DNAJC1: variants seen among roughly 807,000 people sequenced by gnomAD.
The protein encoded by DNAJC1 is dnaJ homolog subfamily C member 1.
Under a neutral mutation model 76.6 loss-of-function variants are expected in DNAJC1, and 58 were observed. That is an observed-to-expected ratio of 0.76 (90% CI 0.61 to 0.94). The LOEUF is 0.94. Ranked by LOEUF, DNAJC1 falls within the 40% of genes least tolerant of loss-of-function variation. The pLI is 0.00. For missense variants in DNAJC1, 689 were observed against 677.3 expected, an observed-to-expected ratio of 1.02 and a Z score of -0.19; for synonymous variants, 258 against 267.9, an observed-to-expected ratio of 0.96 and a Z score of 0.36.
chr10:21,903,399 C>T (rs1590041125), intron 7 of DNAJC1, among the ~76,000 whole-genome samples: 1 of 152,068 alleles, frequency 6.6e-6, no homozygotes, highest in Admixed American at 6.5e-5. Flanking sequence ...TAATAATCCT[C>T]TATCATTCTT....
At chr10:21,909,077 G>C (rs1408319453) in intron 6 of DNAJC1, among the ~76,000 whole-genome samples, 1 of 150,912 alleles carries the variant, frequency 6.6e-6, no homozygotes, top group Non-Finnish European at 1.5e-5. Flanking sequence ...TAGTAGAGAC[G>C]GGGTTTTGCC....
intron 9 of DNAJC1, among the ~76,000 whole-genome samples, chr10:21,800,584 G>A (rs543533861): frequency 3.3e-5 from 5 of 152,302 alleles, no homozygotes; most frequent in East Asian, 3.9e-4. Flanking sequence ...ATGGGCTATC[G>A]TGTAACTCTT....
Position 21,869,903 on chromosome 10 carries a change from C to T in DNAJC1, c.978+12379G>A, listed in dbSNP as rs554648155. Among the ~76,000 whole-genome samples, 10 of 152,030 alleles carry T rather than the reference C, an allele frequency of 6.6e-5. No individual in the cohort carries two copies. The East Asian group carries it at 1.9e-3, about 29-fold the overall frequency. On this transcript the variant is annotated intron_variant, in intron 8 of 11. Coordinates refer to ENST00000376980, the MANE Select transcript of DNAJC1 (RefSeq NM_022365.4). Reference sequence around the variant, plus strand: ...ATTCTGTACTGTCTTGGAAACTTCCCATCAATCTATAATTTTATTTATTTT... The same window carrying T: ...ATTCTGTACTGTCTTGGAAACTTCCTATCAATCTATAATTTTATTTATTTT...
intron 8 of DNAJC1, among the ~76,000 whole-genome samples, chr10:21,818,891 G>A (rs1468164694): frequency 1.3e-5 from 2 of 152,130 alleles, no homozygotes; most frequent in African/African-American, 2.4e-5. Context: ...GTAGAAAAAA[G>A]TCTTACATAA....
rs374884418 is a variant in DNAJC1 at position 21,759,501 on chromosome 10, G to A, written c.1265C>T (p.Ala422Val). ...GGAGTCTCCCTCCTGCTCCTCCTCC[G>A]CTGCCACCCCCTCTGCGTCCTCTCG... is the stretch of plus-strand genomic sequence containing the variant. ...TQREDAEGVA[A>V]EEEQEGDSGE... The change falls in exon 11 of 12, where the codon GCG (alanine) becomes GTG (valine). Residue 422 changes from alanine (A) to valine (V), a missense_variant. Coordinates refer to ENST00000376980, the MANE Select transcript of DNAJC1 (RefSeq NM_022365.4). The A allele has an allele frequency of 3.8e-5, 62 of 1,613,986 alleles. No individual in the cohort carries two copies. The highest frequency in any genetic ancestry group is 1.6e-4 in the African/African-American group (12 of 74,912).
intron 1 of DNAJC1, among the ~76,000 whole-genome samples, chr10:21,958,423 AGAT>A (rs1283308114): frequency 6.7e-6 from 1 of 150,116 alleles, no homozygotes; most frequent in Non-Finnish European, 1.5e-5. Context: ...CTGTCTCCAC[AGAT>A]TTGTCTTTTT....
chr10:21,824,209 A>G (rs771707561), intron 8 of DNAJC1, among the ~76,000 whole-genome samples: 8 of 152,226 alleles, frequency 5.3e-5, no homozygotes, highest in Non-Finnish European at 1.0e-4. Flanking sequence ...GCTCTTCTGA[A>G]GGAATACTAA....
chr10:21,812,765 A>G (rs1406128761), intron 8 of DNAJC1, among the ~76,000 whole-genome samples: 4 of 151,974 alleles, frequency 2.6e-5, no homozygotes, highest in African/African-American at 9.7e-5. Context: ...AAATAGCTTT[A>G]GGTTTATAGA....
intron 8 of DNAJC1, among the ~76,000 whole-genome samples, chr10:21,852,134 C>T (rs934612665): frequency 3.0e-5 from 4 of 131,948 alleles, no homozygotes; most frequent in East Asian, 2.3e-4. Flanking sequence ...CACACACACA[C>T]GGAATATTAT....
At chr10:21,942,026 GA>G (rs1313445142) in intron 1 of DNAJC1, among the ~76,000 whole-genome samples, 4 of 151,940 alleles carry the variant, frequency 2.6e-5, no homozygotes, top group African/African-American at 9.7e-5. Context: ...CAGACGAGAG[GA>G]AAAACAAAAT....
intron 8 of DNAJC1, among the ~76,000 whole-genome samples, chr10:21,857,777 A>G (rs1835860676): frequency 6.6e-6 from 1 of 152,098 alleles, no homozygotes; most frequent in Non-Finnish European, 1.5e-5. Flanking sequence ...AACTGCTTGT[A>G]CCTGGGAGGT....
chr10:21,857,514 G>A (rs1460624313), intron 8 of DNAJC1, among the ~76,000 whole-genome samples: 4 of 151,924 alleles, frequency 2.6e-5, no homozygotes, highest in Non-Finnish European at 5.9e-5. Context: ...AATATACTGG[G>A]GTTCTATGTA....
intron 8 of DNAJC1, among the ~76,000 whole-genome samples, chr10:21,813,096 C>CAT (rs373917334): frequency 0.048 from 5,647 of 117,058 alleles, 367 homozygotes; most frequent in African/African-American, 0.13. Flanking sequence ...TACACACACA[C>CAT]ATATATATAT....
chr10:21,850,265 T>C (rs1835730990), intron 8 of DNAJC1, among the ~76,000 whole-genome samples: 1 of 152,120 alleles, frequency 6.6e-6, no homozygotes, highest in Non-Finnish European at 1.5e-5. Context: ...TTCAGTAACA[T>C]TATAGGTACA....
intron 1 of DNAJC1, among the ~76,000 whole-genome samples, chr10:21,985,692 GTTCT>G (rs1838234353): frequency 1.3e-5 from 2 of 152,136 alleles, no homozygotes; most frequent in Admixed American, 1.3e-4. Context: ...TATCCCAGAA[GTTCT>G]TTCTTTTTCT....
chr10:21,890,421 C>CAAAA (rs1007952107), intron 7 of DNAJC1, among the ~76,000 whole-genome samples: 17 of 52,564 alleles, frequency 3.2e-4, no homozygotes, highest in Non-Finnish European at 5.6e-4. Context: ...TCCCCCCCTA[C>CAAAA]AAAAAAAAAA....
chr10:21,805,006 G>A (rs1189556358), intron 9 of DNAJC1, among the ~76,000 whole-genome samples: 1 of 152,036 alleles, frequency 6.6e-6, no homozygotes, highest in Non-Finnish European at 1.5e-5. Context: ...CTAAAAAGTG[G>A]AAGTTTATTA....
At position 21,855,258 on chromosome 10, in the gene DNAJC1, T is replaced by C. The variant is rs193250387; in HGVS notation, c.978+27024A>G. Among the ~76,000 whole-genome samples, 344 of 152,312 alleles carry C rather than the reference T, an allele frequency of 2.3e-3. 3 individuals are homozygous for C. The highest frequency in any genetic ancestry group is 7.9e-3 in the African/African-American group (328 of 41,574). On this transcript the variant is annotated intron_variant, in intron 8 of 11. Transcript: ENST00000376980. ...CACTGGCCCTTTTCTGTCACGATGA[T>C]CAAAAGAACTCTGAAGTGTATTTTT...
At chr10:21,925,037 G>T (rs991553115) in intron 3 of DNAJC1, among the ~76,000 whole-genome samples, 1 of 152,102 alleles carries the variant, frequency 6.6e-6, no homozygotes, top group African/African-American at 2.4e-5. Flanking sequence ...CTCTCACTCA[G>T]GCTGGAGTAC....
Sources: allele counts gnomAD v4.1 joint callset (sites outside exome capture counted in the v4.1 genomes callset), GRCh38; gene constraint gnomAD v4.1.1; transcripts MANE v1.5; gene names NCBI Gene and HGNC (gene_info 2026-07-23, HGNC 2026-07-21).